Variants in CTNND2 observed in about 807,000 individuals in gnomAD.
The protein encoded by CTNND2 is catenin delta 2, also known as catenin delta-2.
A neutral mutation model predicts 144.4 loss-of-function variants in CTNND2; 22 were observed. The ratio of observed to expected loss-of-function variants is 0.15; its 90% CI spans 0.11 to 0.22. The LOEUF is 0.22. Ranked by LOEUF, CTNND2 falls within the 10% of genes least tolerant of loss-of-function variation. The pLI is 1.00. For missense variants in CTNND2, 1,353 were observed against 1,618.8 expected (o/e 0.84, Z 2.82); for synonymous variants, 751 against 695.6 (o/e 1.08, Z -1.25).
intron 1 of CTNND2, among the ~76,000 whole-genome samples, chr5:11,856,941 T>C (rs1181708574): frequency 6.6e-6 from 1 of 152,190 alleles, no homozygotes; most frequent in Non-Finnish European, 1.5e-5. Flanking sequence ...ATTTTCAAAA[T>C]TATCAAATTC....
chr5:11,351,563 G>A (rs553400362), intron 8 of CTNND2, among the ~76,000 whole-genome samples: 1 of 152,138 alleles, frequency 6.6e-6, no homozygotes, highest in Admixed American at 6.5e-5. Context: ...AGGGGAAGAG[G>A]CATCCTTTTT....
intron 18 of CTNND2, 23 bp downstream of exon 18, chr5:11,017,951 G>C (rs1741804827): frequency 1.3e-6 from 2 of 1,598,708 alleles, no homozygotes; most frequent in African/African-American, 2.7e-5. Context: ...TTGGACTCAG[G>C]GCCCAGGTGA....
chr5:11,751,513 C>G (rs1788619512), intron 1 of CTNND2, among the ~76,000 whole-genome samples: 1 of 151,836 alleles, frequency 6.6e-6, no homozygotes. Flanking sequence ...CTTTAGTTCA[C>G]TTAGGATAAT....
chr5:11,080,639 A>G (rs1211601531), intron 16 of CTNND2, among the ~76,000 whole-genome samples: 1 of 152,262 alleles, frequency 6.6e-6, no homozygotes, highest in Non-Finnish European at 1.5e-5. Context: ...AATACTACTC[A>G]GCCACAGAAA....
chr5:11,263,214 T>C (rs958009946), intron 9 of CTNND2, among the ~76,000 whole-genome samples: 5 of 152,230 alleles, frequency 3.3e-5, no homozygotes, highest in African/African-American at 1.2e-4. Context: ...CTTGACTTTA[T>C]TGCTGACTTC....
intron 9 of CTNND2, among the ~76,000 whole-genome samples, chr5:11,296,492 C>A (rs1263125272): frequency 6.6e-6 from 1 of 152,120 alleles, no homozygotes; most frequent in Admixed American, 6.6e-5. Flanking sequence ...GGTATATACC[C>A]AAAAGATTAT....
chr5:11,470,980 ATTTTTTTT>A (rs1171276873), intron 3 of CTNND2, among the ~76,000 whole-genome samples: 15 of 91,536 alleles, frequency 1.6e-4, no homozygotes, highest in Middle Eastern at 6.8e-3. Context: ...ATATATATAT[ATTTTTTTT>A]TTTTTTTTAG....
At chr5:11,732,574 G>C (rs1301983433) in intron 1 of CTNND2, among the ~76,000 whole-genome samples, 3 of 152,106 alleles carry the variant, frequency 2.0e-5, no homozygotes, top group Non-Finnish European at 4.4e-5. Context: ...GAGACTATAA[G>C]AATAAAGTAA....
chr5:11,286,707 G>T (rs894557405), intron 9 of CTNND2, among the ~76,000 whole-genome samples: 1 of 152,184 alleles, frequency 6.6e-6, no homozygotes, highest in Non-Finnish European at 1.5e-5. Context: ...CACATACAGG[G>T]TGAAATAGAA....
chr5:11,801,187 A>C (rs1191654250), intron 1 of CTNND2, among the ~76,000 whole-genome samples: 1 of 152,196 alleles, frequency 6.6e-6, no homozygotes, highest in Non-Finnish European at 1.5e-5. Context: ...ATGTCTTGTT[A>C]GCTGATGGGT....
chr5:11,185,661 T>C (rs766331029), intron 11 of CTNND2, among the ~76,000 whole-genome samples: 3 of 152,172 alleles, frequency 2.0e-5, no homozygotes, highest in Admixed American at 1.3e-4. Flanking sequence ...AACTGAAGCT[T>C]CTCCTCCTCT....
At chr5:11,811,160 A>T (rs2126908892) in intron 1 of CTNND2, among the ~76,000 whole-genome samples, 1 of 152,300 alleles carries the variant, frequency 6.6e-6, no homozygotes, top group South Asian at 2.1e-4. Flanking sequence ...CTGAGGCCTG[A>T]TGGAATTGAC....
At chr5:11,555,237 T>A (rs1162959719) in intron 3 of CTNND2, among the ~76,000 whole-genome samples, 2 of 152,202 alleles carry the variant, frequency 1.3e-5, no homozygotes, top group South Asian at 2.1e-4. Context: ...GCCAAGGAAA[T>A]GGAAGAGAAA....
intron 2 of CTNND2, among the ~76,000 whole-genome samples, chr5:11,637,131 A>G (rs925791296): frequency 5.3e-5 from 8 of 152,174 alleles, no homozygotes; most frequent in South Asian, 2.1e-4. Context: ...ATTTTTTAAG[A>G]AAAAAACCTT....
Position 11,633,415 on chromosome 5 carries a change from G to A in CTNND2, c.175-68359C>T, listed in dbSNP as rs148461698. On this transcript the variant is annotated intron_variant, in intron 2 of 21. Transcript: ENST00000304623. ...TGAAGAAAAAATGAGAAAATTGAAG[G>A]AAGAAACAGAAAATTCAGCAATGTT... 3.0e-3 allele frequency among the ~76,000 whole-genome samples: 460 copies of A among 152,186 alleles called. 2 individuals are homozygous for A. The highest frequency in any genetic ancestry group is 0.01 in the African/African-American group (435 of 41,538).
rs1756529946 is a variant in CTNND2, at chr5:11,362,224, T to C, written c.1372+2472A>G. ...CAAACTTAGAATGTTTTTTTACGGC[T>C]ACTGGATAACTATATTTAATCCTTA... On this transcript the variant is annotated intron_variant, in intron 8 of 21. Coordinates refer to ENST00000304623, the MANE Select transcript of CTNND2 (RefSeq NM_001332.4). Among the ~76,000 whole-genome samples, 4 of 152,198 alleles carry C rather than the reference T, an allele frequency of 2.6e-5. No homozygotes were observed. In the South Asian group the frequency reaches 8.3e-4, roughly 31 times the overall value.
chr5:11,502,456 T>C (rs1770627232), intron 3 of CTNND2, among the ~76,000 whole-genome samples: 1 of 152,208 alleles, frequency 6.6e-6, no homozygotes, highest in Non-Finnish European at 1.5e-5. Flanking sequence ...AGGAATTTAA[T>C]ATCAGCACAT....
chr5:11,047,925 T>G (rs1395466992), intron 16 of CTNND2, among the ~76,000 whole-genome samples: 1 of 152,168 alleles, frequency 6.6e-6, no homozygotes. Context: ...TCCTGCATTG[T>G]TTGCTCCTTT....
At position 11,443,565 on chromosome 5, in the gene CTNND2, T is replaced by C. The variant is rs538484814; in HGVS notation, c.288-31496A>G. ...TAAAAATTCTTTCAAAATGTTATCT[T>C]TACTTTCTTCTCTATTTTGATGTTC... On this transcript the variant is annotated intron_variant, in intron 3 of 21. Coordinates refer to ENST00000304623, the MANE Select transcript of CTNND2 (RefSeq NM_001332.4). Among the ~76,000 whole-genome samples, 21 of 152,250 alleles carry C rather than the reference T, an allele frequency of 1.4e-4. No individual in the cohort carries two copies. In the South Asian group the frequency reaches 4.4e-3, roughly 32 times the overall value.
Sources: gnomAD v4.1 joint callset for allele counts (sites outside exome capture counted in the v4.1 genomes callset) on GRCh38, gnomAD v4.1.1 for gene constraint, MANE v1.5 for transcripts, NCBI Gene and HGNC (gene_info 2026-07-23, HGNC 2026-07-21) for gene names.